The following SAG variants were observed in gnomAD, a reference collection of about 807,000 sequenced individuals.
SAG encodes the protein S-arrestin.
Under a neutral mutation model 55.0 loss-of-function variants are expected in SAG, and 45 were observed. The ratio of observed to expected loss-of-function variants is 0.82; its 90% confidence interval spans 0.64 to 1.05. The LOEUF is 1.05. Ranked by LOEUF, SAG falls within the 50% of genes least tolerant of loss-of-function variation. The pLI, the probability that SAG is intolerant of heterozygous loss-of-function variation, is 0.00. For synonymous variants in SAG, 189 were observed against 197.4 expected, an observed-to-expected ratio of 0.96 and a Z score of 0.36; for missense variants, 455 against 512.1, an observed-to-expected ratio of 0.89 and a Z score of 1.08.
At chr2:233,346,459 G>A in intron 15 of SAG, 47 bp downstream of exon 15, 1 of 1,600,882 alleles carries the variant, frequency 6.2e-7, no homozygotes, top group Non-Finnish European at 8.6e-7. Flanking sequence ...TATGCTCTGG[G>A]ACCTTCTCCT....
intron 6 of SAG, among the ~76,000 whole-genome samples, chr2:233,326,634 C>G (rs1229115054): frequency 6.6e-6 from 1 of 151,972 alleles, no homozygotes; most frequent in Non-Finnish European, 1.5e-5. Flanking sequence ...TGCCTTGCTG[C>G]CTGGCCACAT....
At chr2:233,327,438 T>G in intron 7 of SAG, 7 of 370,472 alleles carry the variant, frequency 1.9e-5, no homozygotes, top group Admixed American at 4.3e-5. Context: ...GCTCCCGGGT[T>G]TCCCCTTTGT....
chr2:233,334,701 A>G (rs978615342), intron 10 of SAG: 7 of 443,140 alleles, frequency 1.6e-5, no homozygotes, highest in Non-Finnish European at 2.9e-5. Context: ...CATTAACTCC[A>G]TAGAACATTC....
intron 11 of SAG, among the ~76,000 whole-genome samples, chr2:233,336,922 C>T (rs770334005): frequency 1.3e-5 from 2 of 152,058 alleles, no homozygotes; most frequent in Non-Finnish European, 2.9e-5. Context: ...ATGGCGAAAA[C>T]CCATATCCAC....
intron 14 of SAG, chr2:233,343,877 C>T (rs1330299365): frequency 6.8e-6 from 3 of 442,752 alleles, no homozygotes; most frequent in African/African-American, 2.1e-5. Context: ...TAGAATGAGC[C>T]CCCACTATTC....
chr2:233,338,345 T>C (rs903935389), intron 11 of SAG, among the ~76,000 whole-genome samples: 1 of 152,184 alleles, frequency 6.6e-6, no homozygotes, highest in Admixed American at 6.5e-5. Flanking sequence ...CTTGGGGACT[T>C]GCAGTTTTGG....
At chr2:233,321,171 C>G (rs1453650274) in intron 5 of SAG, among the ~76,000 whole-genome samples, 2 of 152,146 alleles carry the variant, frequency 1.3e-5, no homozygotes, top group Non-Finnish European at 2.9e-5. Flanking sequence ...AAAGGGTTCC[C>G]TACAGGACAG....
At chr2:233,327,461 GTTGTTGT>G in intron 7 of SAG, 1 of 354,020 alleles carries the variant, frequency 2.8e-6, no homozygotes, top group Non-Finnish European at 5.2e-6. Context: ...AAGTTTTGTT[GTTGTTGT>G]TTGTTTGTTT....
chr2:233,325,828 G>C (rs1201815404), intron 6 of SAG, among the ~76,000 whole-genome samples: 1 of 152,232 alleles, frequency 6.6e-6, no homozygotes, highest in South Asian at 2.1e-4. Context: ...TGAATGCCTG[G>C]GGGCCTGGGG....
chr2:233,320,864 A>C, intron 5 of SAG, 41 bp downstream of exon 5: 1 of 1,514,816 alleles, frequency 6.6e-7, no homozygotes, highest in Non-Finnish European at 9.0e-7. Flanking sequence ...CTTCACCCGC[A>C]GCACCTTATC....
At chr2:233,308,806 A>T (rs760433192) in intron 1 of SAG, among the ~76,000 whole-genome samples, 7 of 152,188 alleles carry the variant, frequency 4.6e-5, no homozygotes, top group Non-Finnish European at 7.3e-5. Flanking sequence ...ATTCGCCATT[A>T]GACACAGTCA....
chr2:233,327,191 C>T lies in SAG; in HGVS notation c.506C>T (p.Pro169Leu). Residue 169 changes from proline (P) to leucine (L), a missense_variant, in exon 7 of 16, where the codon CCC (proline) becomes CTC (leucine). Physicochemically the swap from Pro to Leu is moderately conservative, Grantham distance 98. Transcript: ENST00000409110. Reference sequence around the variant, plus strand: ...ACCGATGCCGAAGAGGACAAAATCCCCAAGAAGTAAGAGTATGGTTGCGGA... The same window carrying T: ...ACCGATGCCGAAGAGGACAAAATCCTCAAGAAGTAAGAGTATGGTTGCGGA... ...DSTDAEEDKIPKKSSVRLLIR... is the reference protein window; with the variant it reads ...DSTDAEEDKILKKSSVRLLIR... The T allele has an allele frequency of 6.2e-7, 1 of 1,613,406 alleles. No individual in the cohort carries two copies. Among genetic ancestry groups the T allele is most frequent in the Non-Finnish European group, 8.5e-7 (1 of 1,179,500 alleles).
At chr2:233,341,378 G>A (rs114967384) in intron 13 of SAG, among the ~76,000 whole-genome samples, 1,882 of 152,234 alleles carry the variant, frequency 0.012, 41 homozygotes, top group African/African-American at 0.042. Context: ...CTGCTGCTTC[G>A]TGCATAATTT....
rs1359089022 is a variant in SAG, at chr2:233,320,784, T to TA, written c.341dup (p.Leu115AlafsTer14). The TA allele has an allele frequency of 6.2e-7, 1 of 1,604,882 alleles. No homozygotes were observed. Among genetic ancestry groups the TA allele is most frequent in the African/African-American group, 1.3e-5 (1 of 74,682 alleles). ...CCACAAAACTGCAAGAGAGCCTGCT[T>TA]AAAAAGCTGGGGAGCAACACGTACC... On this transcript the variant is annotated frameshift_variant, in exon 5 of 16. Coordinates refer to ENST00000409110, the MANE Select transcript of SAG (RefSeq NM_000541.5). LOFTEE classifies it high-confidence loss of function.
At position 233,331,678 on chromosome 2, in the gene SAG, T is replaced by G. The variant is rs767504512; in HGVS notation, c.772T>G (p.Tyr258Asp). 6.2e-7 allele frequency: 1 copy of G among 1,613,792 alleles called. No individual in the cohort carries two copies. Among genetic ancestry groups the G allele is most frequent in the Non-Finnish European group, 8.5e-7 (1 of 1,179,768 alleles). The change falls in exon 10 of 16, where the codon TAT (tyrosine) becomes GAT (aspartate). Residue 258 changes from tyrosine to aspartate, a missense_variant. By Grantham distance (160) the Tyr-to-Asp change is radical (BLOSUM62 -3). Coordinates refer to ENST00000409110, the MANE Select transcript of SAG (RefSeq NM_000541.5). ...CAATGTGGTTCTCTACTCGAGTGAT[T>G]ATTACGTCAAGCCCGTGGCTATGGA... Reference protein sequence around the residue: ...VANVVLYSSDYYVKPVAMEEA... With the variant: ...VANVVLYSSDDYVKPVAMEEA...
At chr2:233,324,633 G>A (rs1470401654) in intron 6 of SAG, among the ~76,000 whole-genome samples, 1 of 152,194 alleles carries the variant, frequency 6.6e-6, no homozygotes, top group Admixed American at 6.5e-5. Flanking sequence ...CTGAGGGTGT[G>A]TGAGAGAGGA....
intron 10 of SAG, 140 bp downstream of exon 10, chr2:233,331,852 G>C: frequency 2.9e-6 from 2 of 691,600 alleles, no homozygotes; most frequent in South Asian, 1.6e-5. Flanking sequence ...CTCCCTTCGA[G>C]GGCTGCACAG....
intron 4 of SAG, 38 bp from the exon 5 acceptor site, chr2:233,320,586 CAGGCCG>C: frequency 6.7e-7 from 1 of 1,487,980 alleles, no homozygotes; most frequent in Non-Finnish European, 9.0e-7. Context: ...TGGTGGGTGC[CAGGCCG>C]AGGGCCAAGT....
chr2:233,342,289 C>A lies in SAG; in HGVS notation c.1065C>A (p.Val355=). ...TTTCTAGTGAAGTCGCCACTGAGGT[C>A]CCATTCCGCCTCATGCACCCTCAGC... The part of the protein sequence containing the change: ...ELTSSEVATE[V]PFRLMHPQPE... Residue 355 remains valine, a synonymous_variant, in exon 14 of 16, where the codon GTC becomes GTA. Coordinates refer to ENST00000409110, the MANE Select transcript of SAG (RefSeq NM_000541.5). The A allele has an allele frequency of 6.2e-7, 1 of 1,608,722 alleles. No individual in the cohort carries two copies. The highest frequency in any genetic ancestry group is 8.5e-7 in the Non-Finnish European group (1 of 1,177,224).
Sources: gnomAD v4.1 joint callset for allele counts (sites outside exome capture counted in the v4.1 genomes callset) on GRCh38, gnomAD v4.1.1 for gene constraint, MANE v1.5 for transcripts, NCBI Gene and HGNC (gene_info 2026-07-23, HGNC 2026-07-21) for gene names.